Variants in CBL observed in about 807,000 individuals in gnomAD.
The protein encoded by CBL is Cbl proto-oncogene, also known as E3 ubiquitin-protein ligase CBL.
A neutral mutation model predicts 96.9 loss-of-function variants in CBL; 45 were observed. That is an observed-to-expected ratio of 0.46 (90% confidence interval 0.37 to 0.60). The LOEUF (loss-of-function observed/expected upper bound fraction) is 0.60, where lower values mean the gene tolerates loss of function less well. CBL is among the 20% of genes least tolerant of loss of function. CBL has a pLI of 0.00. For missense variants in CBL, 1,024 were observed against 1,143.5 expected (o/e 0.90, Z 1.51); for synonymous variants, 420 against 426.8 (o/e 0.98, Z 0.20).
At chr11:119,270,274 T>C (rs1180420080) in intron 2 of CBL, among the ~76,000 whole-genome samples, 1 of 144,002 alleles carries the variant, frequency 6.9e-6, no homozygotes. Context: ...AGGTGGAGTT[T>C]CGCTCTGTTG....
At chr11:119,299,109 A>G (rs887148819) in intron 15 of CBL, among the ~76,000 whole-genome samples, 5 of 152,242 alleles carry the variant, frequency 3.3e-5, no homozygotes, top group Non-Finnish European at 7.3e-5. Flanking sequence ...GCCTTGGCTA[A>G]TGCTTCTTCA....
intron 1 of CBL, 42 bp downstream of exon 1, chr11:119,206,654 G>A (rs1949271738): frequency 6.5e-7 from 1 of 1,529,644 alleles, no homozygotes; most frequent in South Asian, 1.2e-5. Flanking sequence ...GGGTGGGCGT[G>A]GGCGGAGGGC....
chr11:119,244,279 T>C (rs1187693294), intron 2 of CBL, among the ~76,000 whole-genome samples: 1 of 152,156 alleles, frequency 6.6e-6, no homozygotes, highest in Non-Finnish European at 1.5e-5. Flanking sequence ...TAATAGTGCT[T>C]GTAGAGCAGT....
chr11:119,231,996 G>A (rs1949506079), intron 1 of CBL, among the ~76,000 whole-genome samples: 1 of 151,916 alleles, frequency 6.6e-6, no homozygotes, highest in African/African-American at 2.4e-5. Context: ...CAGCTACCCA[G>A]GAGGCTGAAG....
Position 119,306,365 on chromosome 11 carries a change from A to G in CBL, c.*6584A>G. ...CAGCAGAGTCCTGATTGCCTGATTC[A>G]GTCCCAAAAATGAATGTCAGGCCCC... is the stretch of plus-strand genomic sequence containing the variant. On this transcript the variant is annotated 3_prime_UTR_variant, in exon 16 of 16. Transcript: ENST00000264033. The G allele has an allele frequency of 2.5e-6, 1 of 398,852 alleles. No homozygotes were observed. The highest frequency in any genetic ancestry group is 4.4e-6 in the Non-Finnish European group (1 of 226,168). The allele number at this position is 398,852 out of a possible 1,614,324, so 24.7% of individuals were successfully genotyped here.
chr11:119,294,381 A>G (rs546161320), intron 12 of CBL, among the ~76,000 whole-genome samples: 50 of 151,784 alleles, frequency 3.3e-4, no homozygotes, highest in African/African-American at 1.2e-3. Context: ...GTGAGCCAAG[A>G]TCACGCCATT....
intron 2 of CBL, among the ~76,000 whole-genome samples, chr11:119,244,700 AC>A (rs1338594518): frequency 6.8e-6 from 1 of 146,186 alleles, no homozygotes; most frequent in Non-Finnish European, 1.5e-5. Context: ...TCCTGTCTCA[AC>A]CTCCCGAGTA....
At chr11:119,270,605 C>T (rs1406203167) in intron 2 of CBL, among the ~76,000 whole-genome samples, 1 of 148,520 alleles carries the variant, frequency 6.7e-6, no homozygotes, top group Non-Finnish European at 1.5e-5. Context: ...CGCCACTACG[C>T]CCGGCTAATT....
At position 119,303,792 on chromosome 11, in the gene CBL, A is replaced by G. The variant is rs1950116742; in HGVS notation, c.*4011A>G. On this transcript the variant is annotated 3_prime_UTR_variant, in exon 16 of 16. Transcript: ENST00000264033. The stretch of plus-strand genomic sequence containing the variant: ...CAGTAGGGCATTAAATGTTTAAGCA[A>G]AGCATCTGCCCACACTCCCCTTTCC... The G allele has an allele frequency of 4.3e-6, 1 of 233,554 alleles. No individual in the cohort carries two copies. Among genetic ancestry groups the G allele is most frequent in the Admixed American group, 5.6e-5 (1 of 17,774 alleles). 14.5% of individuals were successfully genotyped at this position (233,554 alleles called of 1,614,324 possible).
At chr11:119,235,213 A>G (rs554565291) in intron 2 of CBL, among the ~76,000 whole-genome samples, 1 of 152,122 alleles carries the variant, frequency 6.6e-6, no homozygotes, top group African/African-American at 2.4e-5. Flanking sequence ...TCCCGCATTC[A>G]AACAATTCTC....
chr11:119,303,685 C>T lies in CBL; in HGVS notation c.*3904C>T, dbSNP rs529071528. On this transcript the variant is annotated 3_prime_UTR_variant, in exon 16 of 16. Transcript: ENST00000264033. ...TCCTTGGTGTAAGTGTCATGGATACCGACTGTTTTTATGTTGGAATTTGTT... is the reference window on the plus strand; with the variant it reads ...TCCTTGGTGTAAGTGTCATGGATACTGACTGTTTTTATGTTGGAATTTGTT... 8 of 233,598 alleles carry T rather than the reference C, an allele frequency of 3.4e-5. No homozygotes were observed. Among genetic ancestry groups the T allele is most frequent in the East Asian group, 6.0e-5 (1 of 16,592 alleles). 14.5% of individuals were successfully genotyped at this position (233,598 alleles called of 1,614,324 possible).
At chr11:119,219,734 A>G (rs1408160369) in intron 1 of CBL, among the ~76,000 whole-genome samples, 1 of 149,592 alleles carries the variant, frequency 6.7e-6, no homozygotes, top group Non-Finnish European at 1.5e-5. Flanking sequence ...TCCAGGATGG[A>G]GTGCAGTGGT....
rs897805595 is a variant in CBL, at chr11:119,302,273, G to A, written c.*2492G>A. Reference sequence around the variant, plus strand: ...ACTGGGTGCTGTGAGGACACACCTGGGTCTGTGCCTGAGATTGCCAGGCAA... The same window carrying A: ...ACTGGGTGCTGTGAGGACACACCTGAGTCTGTGCCTGAGATTGCCAGGCAA... On this transcript the variant is annotated 3_prime_UTR_variant, in exon 16 of 16. Coordinates refer to ENST00000264033, the MANE Select transcript of CBL (RefSeq NM_005188.4). 1 of 232,584 alleles carries A rather than the reference G, an allele frequency of 4.3e-6. No individual in the cohort carries two copies. The highest frequency in any genetic ancestry group is 2.2e-5 in the African/African-American group (1 of 45,294). The allele number at this position is 232,584 out of a possible 1,614,324, so 14.4% of individuals were successfully genotyped here.
intron 1 of CBL, among the ~76,000 whole-genome samples, chr11:119,207,490 T>G (rs1949280589): frequency 6.6e-6 from 1 of 152,250 alleles, no homozygotes; most frequent in African/African-American, 2.4e-5. Flanking sequence ...TCGTTGAGCT[T>G]CTTTGATTAC....
chr11:119,216,343 T>A (rs1398365190), intron 1 of CBL, among the ~76,000 whole-genome samples: 2 of 67,290 alleles, frequency 3.0e-5, no homozygotes, highest in Non-Finnish European at 5.8e-5. Flanking sequence ...TATTGTAATT[T>A]ATTTATTTAT....
intron 14 of CBL, 45 bp downstream of exon 14, chr11:119,297,526 G>A (rs370168884): frequency 7.4e-7 from 1 of 1,347,096 alleles, no homozygotes; most frequent in East Asian, 2.3e-5. Flanking sequence ...ATATGTCATA[G>A]GAATGAACAT....
chr11:119,224,630 C>T (rs924592043), intron 1 of CBL, among the ~76,000 whole-genome samples: 7 of 151,804 alleles, frequency 4.6e-5, no homozygotes, highest in East Asian at 1.9e-4. Flanking sequence ...CTTGCTCTGT[C>T]GCCAGGCTGG....
intron 2 of CBL, among the ~76,000 whole-genome samples, chr11:119,269,271 G>A (rs555064376): frequency 6.9e-5 from 9 of 130,428 alleles, no homozygotes; most frequent in Non-Finnish European, 1.1e-4. Flanking sequence ...TTTTTGGACC[G>A]AGTCTCACTC....
At chr11:119,239,563 C>T (rs1191682944) in intron 2 of CBL, among the ~76,000 whole-genome samples, 2 of 152,100 alleles carry the variant, frequency 1.3e-5, no homozygotes, top group African/African-American at 4.8e-5. Context: ...TTACTTCTTC[C>T]TTTTCTTTCT....
Sources: gnomAD v4.1 joint callset for allele counts (sites outside exome capture counted in the v4.1 genomes callset) on GRCh38, gnomAD v4.1.1 for gene constraint, MANE v1.5 for transcripts, NCBI Gene and HGNC (gene_info 2026-07-23, HGNC 2026-07-21) for gene names.